The following SHROOM2 variants were observed in gnomAD, a reference collection of about 807,000 sequenced individuals.
SHROOM2 encodes the protein shroom family member 2, also known as protein Shroom2.
SHROOM2 carries 33 observed loss-of-function variants against 75.9 expected under a neutral mutation model. The observed-to-expected ratio is 0.43, with a 90% CI of 0.33 to 0.58. SHROOM2 has a LOEUF of 0.58. Among genes scored for constraint, SHROOM2 ranks in the 20% least tolerant of loss-of-function variants. The pLI is 0.04. For missense variants in SHROOM2, 1,434 were observed against 1,461.2 expected (o/e 0.98, Z 0.30); for synonymous variants, 655 against 663.6 (o/e 0.99, Z 0.20).
chrX:9,807,309 G>T (rs775442584), intron 1 of SHROOM2, among the ~76,000 whole-genome samples: 2 of 112,306 alleles, frequency 1.8e-5, no homozygotes, highest in Non-Finnish European at 3.8e-5. Context: ...CAAGCATCAA[G>T]CCTGGTCATT....
intron 5 of SHROOM2, among the ~76,000 whole-genome samples, chrX:9,919,323 G>GTTT (rs1192619266): frequency 6.3e-5 from 3 of 47,345 alleles, no homozygotes; most frequent in African/African-American, 4.1e-4. Flanking sequence ...GGAGGAGGTT[G>GTTT]CTTTTTTTTT....
rs61999277 is a variant in SHROOM2 at position 9,894,391 on chromosome X, G to A, written c.483G>A (p.Glu161=). 2.3e-3 allele frequency: 2,765 copies of A among 1,208,313 alleles called. 54 individuals are homozygous for A. In the African/African-American group the frequency reaches 0.042, roughly 19 times the overall value. The part of the protein sequence containing the change: ...SSSHDLSSSW[E]QTNLQRTLDH... Reference sequence around the variant, plus strand: ...CCCACGACCTGTCCAGTTCCTGGGAGCAGACGAACCTACAGCGCACCTTAG... The same window carrying A: ...CCCACGACCTGTCCAGTTCCTGGGAACAGACGAACCTACAGCGCACCTTAG... The change falls in exon 4 of 10, where the codon GAG becomes GAA. Residue 161 remains glutamate (E), a synonymous_variant. Coordinates refer to ENST00000380913, the MANE Select transcript of SHROOM2 (RefSeq NM_001649.4).
At chrX:9,935,990 G>A (rs2084700650) in intron 6 of SHROOM2, among the ~76,000 whole-genome samples, 1 of 111,555 alleles carries the variant, frequency 9.0e-6, no homozygotes, top group African/African-American at 3.3e-5. Context: ...CAGGTGCAGG[G>A]CTGCCCCAGA....
chrX:9,873,775 C>T lies in SHROOM2; in HGVS notation c.289C>T (p.His97Tyr), dbSNP rs1446574609. The T allele has an allele frequency of 3.3e-5, 40 of 1,209,252 alleles. No individual in the cohort carries two copies. Among genetic ancestry groups the T allele is most frequent in the Non-Finnish European group, 4.4e-5 (39 of 894,905 alleles). ...QEAICLVKGS[H>Y]KTLKLVVKRR... ...AGCGATTTGCCTGGTGAAGGGGTCC[C>T]ATAAGACCCTGAAGCTGGTCGTCAA... is the stretch of plus-strand genomic sequence containing the variant. The change falls in exon 2 of 10, where the codon CAT (histidine) becomes TAT (tyrosine). Residue 97 changes from histidine (H) to tyrosine (Y), a missense_variant. Around this residue, in one of 3 missense-constraint regions of SHROOM2, gnomAD observed 1,340 missense variants for 1,338.3 expected, o/e 1.00. Transcript: ENST00000380913.
At chrX:9,940,376 C>T (rs888442992) in intron 8 of SHROOM2, among the ~76,000 whole-genome samples, 3 of 111,822 alleles carry the variant, frequency 2.7e-5, no homozygotes, top group African/African-American at 6.5e-5. Flanking sequence ...ATTTCAGAAG[C>T]GGCATGCCTT....
chrX:9,859,669 A>G (rs767662779), intron 1 of SHROOM2, among the ~76,000 whole-genome samples: 83 of 111,828 alleles, frequency 7.4e-4, no homozygotes, highest in Non-Finnish European at 1.4e-3. Context: ...AAAGCTCTGC[A>G]GGCAAGAAAG....
chrX:9,897,847 C>A (rs1404048459), intron 4 of SHROOM2, among the ~76,000 whole-genome samples: 1 of 112,216 alleles, frequency 8.9e-6, no homozygotes, highest in Non-Finnish European at 1.9e-5. Flanking sequence ...TGTGGCTATT[C>A]AGCATGACCT....
intron 1 of SHROOM2, among the ~76,000 whole-genome samples, chrX:9,853,730 A>G (rs989208213): frequency 8.9e-6 from 1 of 112,269 alleles, no homozygotes; most frequent in Non-Finnish European, 1.9e-5. Flanking sequence ...ATAAGGCCAC[A>G]TGTACAGGTT....
intron 1 of SHROOM2, among the ~76,000 whole-genome samples, chrX:9,870,182 C>T (rs1332707655): frequency 1.8e-5 from 2 of 111,899 alleles, no homozygotes; most frequent in Non-Finnish European, 3.8e-5. Flanking sequence ...GCCGTGATCA[C>T]GCCATTACAC....
chrX:9,839,501 G>A (rs939912869), intron 1 of SHROOM2, among the ~76,000 whole-genome samples: 6 of 111,123 alleles, frequency 5.4e-5, no homozygotes, highest in African/African-American at 2.0e-4. Flanking sequence ...TCACACATGC[G>A]CCCCCTTGCC....
rs758115348 is a variant in SHROOM2, at chrX:9,896,622, G to A, written c.2714G>A (p.Ser905Asn). 5 of 1,207,747 alleles carry A rather than the reference G, an allele frequency of 4.1e-6. No homozygotes were observed. In the Admixed American group the frequency reaches 8.8e-5, roughly 21 times the overall value. Residue 905 changes from serine (S) to asparagine (N), a missense_variant, in exon 4 of 10, where the codon AGC (serine) becomes AAC (asparagine). By Grantham distance (46) the Ser-to-Asn change is conservative. Coordinates refer to ENST00000380913, the MANE Select transcript of SHROOM2 (RefSeq NM_001649.4). ...TCAGCGGATGACATCCTGGATGTGA[G>A]CCTGGACCCACAGGAGAGGCCGCAG... ...CHSADDILDV[S>N]LDPQERPQHV...
chrX:9,879,287 G>C, intron 2 of SHROOM2, among the ~76,000 whole-genome samples: 1 of 110,599 alleles, frequency 9.0e-6, no homozygotes, highest in South Asian at 3.9e-4. Context: ...ATTTTTTTGA[G>C]ACAGAGTCTC....
intron 1 of SHROOM2, among the ~76,000 whole-genome samples, chrX:9,796,916 A>G (rs1052303039): frequency 2.7e-5 from 3 of 111,945 alleles, no homozygotes; most frequent in African/African-American, 9.7e-5. Flanking sequence ...AAGTGCTGAG[A>G]TTACTGATGT....
At chrX:9,863,384 C>T (rs1284403056) in intron 1 of SHROOM2, among the ~76,000 whole-genome samples, 1 of 110,460 alleles carries the variant, frequency 9.1e-6, no homozygotes, top group Admixed American at 9.7e-5. Flanking sequence ...GCCTGTGTGT[C>T]CATTAGCATG....
At chrX:9,902,061 C>G (rs2084368319) in intron 5 of SHROOM2, among the ~76,000 whole-genome samples, 1 of 108,818 alleles carries the variant, frequency 9.2e-6, no homozygotes, top group Non-Finnish European at 1.9e-5. Flanking sequence ...TGGATGGATG[C>G]ATGGATGGAT....
In SHROOM2 at chrX:9,894,396, C is replaced by T. The variant is rs1251259792; in HGVS notation, c.488C>T (p.Thr163Met). Residue 163 changes from threonine to methionine, a missense_variant, in exon 4 of 10, where the codon ACG (threonine) becomes ATG (methionine). Thr to Met is a moderately conservative substitution (Grantham distance 81). Around this residue, in one of 3 missense-constraint regions of SHROOM2, gnomAD observed 1,340 missense variants for 1,338.3 expected, o/e 1.00. Transcript: ENST00000380913. Reference sequence around the variant, plus strand: ...GACCTGTCCAGTTCCTGGGAGCAGACGAACCTACAGCGCACCTTAGATCAC... The same window carrying T: ...GACCTGTCCAGTTCCTGGGAGCAGATGAACCTACAGCGCACCTTAGATCAC... ...SHDLSSSWEQ[T>M]NLQRTLDHFS... 1.6e-5 allele frequency: 19 copies of T among 1,208,613 alleles called. No homozygotes were observed. The East Asian group carries it at 2.4e-4, about 15-fold the overall frequency.
In SHROOM2 at chrX:9,896,287, G is replaced by A. The variant is rs751951591; in HGVS notation, c.2379G>A (p.Thr793=). 2.5e-6 allele frequency: 3 copies of A among 1,211,328 alleles called. No homozygotes were observed. The highest frequency in any genetic ancestry group is 3.0e-5 in the East Asian group (1 of 33,782). The change falls in exon 4 of 10, where the codon ACG becomes ACA. Residue 793 remains threonine (T), a synonymous_variant. Transcript: ENST00000380913. ...HPRTSEDTVG[T]FADRWKFFEE... ...GGACATCTGAGGATACTGTGGGCAC[G>A]TTTGCTGACAGGTGGAAGTTTTTTG...
chrX:9,848,429 G>A (rs1217789852), intron 1 of SHROOM2, among the ~76,000 whole-genome samples: 1 of 93,652 alleles, frequency 1.1e-5, no homozygotes, highest in Non-Finnish European at 2.1e-5. Context: ...GCGTGAACCC[G>A]GGAAGCGGAG....
intron 2 of SHROOM2, among the ~76,000 whole-genome samples, chrX:9,880,343 C>CT (rs776986076): frequency 2.7e-5 from 3 of 113,035 alleles, no homozygotes; most frequent in Non-Finnish European, 5.6e-5. Flanking sequence ...CCCAAAGGCT[C>CT]TGTCTGTCCC....
Sources: allele counts gnomAD v4.1 joint callset (sites outside exome capture counted in the v4.1 genomes callset), GRCh38; gene constraint gnomAD v4.1.1; regional missense constraint gnomAD v4.1.1; transcripts MANE v1.5; gene names NCBI Gene and HGNC (gene_info 2026-07-23, HGNC 2026-07-21).